The following TENT4B variants were observed in gnomAD, a reference collection of about 807,000 sequenced individuals.
TENT4B encodes terminal nucleotidyltransferase 4B, also known as PAP associated domain containing 5.
Under a neutral mutation model 75.0 loss-of-function variants are expected in TENT4B, and 10 were observed. That is an observed-to-expected ratio of 0.13 (90% confidence interval 0.08 to 0.23). The LOEUF (loss-of-function observed/expected upper bound fraction) is 0.23, where lower values mean the gene tolerates loss of function less well. TENT4B is among the 10% of genes least tolerant of loss of function. The probability of loss-of-function intolerance (pLI) is 1.00; values close to 1 mark genes in which losing one functional copy is unlikely to be tolerated. For synonymous variants in TENT4B, 350 were observed against 357.7 expected (o/e 0.98, Z 0.24); for missense variants, 579 against 893.8 (o/e 0.65, Z 4.49).
At chr16:50,213,108 G>A (rs1339402758) in intron 2 of TENT4B, among the ~76,000 whole-genome samples, 1 of 151,792 alleles carries the variant, frequency 6.6e-6, no homozygotes, top group African/African-American at 2.4e-5. Flanking sequence ...CGCCCAGGCT[G>A]GAGTGCAGTG....
intron 7 of TENT4B, among the ~76,000 whole-genome samples, chr16:50,224,327 A>T (rs1392782899): frequency 3.9e-5 from 6 of 152,366 alleles, no homozygotes; most frequent in African/African-American, 1.4e-4. Flanking sequence ...CCCAAAAAAT[A>T]TAGAAGTATT....
At chr16:50,186,824 C>T (rs2038536443) in intron 1 of TENT4B, among the ~76,000 whole-genome samples, 3 of 152,172 alleles carry the variant, frequency 2.0e-5, no homozygotes, top group South Asian at 4.1e-4. Context: ...TCAAGTGGCA[C>T]CTGCCTTGGC....
chr16:50,202,631 T>G (rs1380179411), intron 1 of TENT4B, among the ~76,000 whole-genome samples: 1 of 152,162 alleles, frequency 6.6e-6, no homozygotes, highest in Non-Finnish European at 1.5e-5. Context: ...GCTTCCTAAC[T>G]TTGCCCAAAT....
In TENT4B at chr16:50,231,275, T is replaced by C. The variant is rs1032375316; in HGVS notation, c.*1947T>C. The C allele has an allele frequency of 2.0e-6, 2 of 985,240 alleles. No individual in the cohort carries two copies. Among genetic ancestry groups the C allele is most frequent in the Non-Finnish European group, 2.4e-6 (2 of 829,468 alleles). 61.0% of individuals were successfully genotyped at this position (985,240 alleles called of 1,614,324 possible). ...TGAGCTTTTGTTTTTGAAACTAGTT[T>C]GTCATAACATTGTGCATAATCACAG... On this transcript the variant is annotated 3_prime_UTR_variant, in exon 12 of 12. Transcript: ENST00000561678.
chr16:50,189,937 G>A (rs751727107), intron 1 of TENT4B, among the ~76,000 whole-genome samples: 13 of 151,662 alleles, frequency 8.6e-5, no homozygotes, highest in East Asian at 1.9e-4. Context: ...TTAGCCTGGC[G>A]TAGTGGTGCA....
intron 5 of TENT4B, among the ~76,000 whole-genome samples, 193 bp downstream of exon 5, chr16:50,217,856 C>T (rs1567510212): frequency 1.1e-4 from 16 of 151,698 alleles, no homozygotes; most frequent in Admixed American, 9.2e-4. Context: ...GCCTCAAACT[C>T]CTGGGTTCAA....
Position 50,233,088 on chromosome 16 carries a change from A to G in TENT4B, c.*3760A>G, listed in dbSNP as rs892576114. The G allele has an allele frequency of 2.3e-5, 23 of 984,334 alleles. 1 individual carries two copies. The East Asian group carries it at 1.9e-3, about 83-fold the overall frequency. 61.0% of individuals were successfully genotyped at this position (984,334 alleles called of 1,614,324 possible). ...AAGTATTTTATGAGCAAAATATTCT[A>G]TAAATGCGTCTAACAAACCTAATTG... is the stretch of plus-strand genomic sequence containing the variant. On this transcript the variant is annotated 3_prime_UTR_variant, in exon 12 of 12. Coordinates refer to ENST00000561678, the MANE Select transcript of TENT4B (RefSeq NM_001365324.3).
intron 10 of TENT4B, among the ~76,000 whole-genome samples, chr16:50,226,470 C>T (rs1053454166): frequency 6.6e-6 from 1 of 152,100 alleles, no homozygotes; most frequent in African/African-American, 2.4e-5. Context: ...CTCGCTCTGT[C>T]GCCCAGGCTG....
intron 1 of TENT4B, among the ~76,000 whole-genome samples, chr16:50,191,771 T>C (rs899228626): frequency 4.6e-5 from 7 of 151,604 alleles, no homozygotes; most frequent in African/African-American, 1.7e-4. Context: ...AATACAAAAT[T>C]AGCCGGGCAT....
chr16:50,167,780 C>G (rs527531496), intron 1 of TENT4B, among the ~76,000 whole-genome samples: 1 of 152,112 alleles, frequency 6.6e-6, no homozygotes, highest in African/African-American at 2.4e-5. Context: ...GCTTCAGCAC[C>G]CGAGTAGCTC....
Position 50,234,482 on chromosome 16 carries a change from T to G in TENT4B, c.*5154T>G. On this transcript the variant is annotated 3_prime_UTR_variant, in exon 12 of 12. Transcript: ENST00000561678. ...TTTTTCTTCATCTTTCAGTTTGGGT[T>G]CTGTGCTATTCATAGTTCTTCCCTA... 1 of 985,260 alleles carries G rather than the reference T, an allele frequency of 1.0e-6. No homozygotes were observed. The highest frequency in any genetic ancestry group is 1.2e-6 in the Non-Finnish European group (1 of 829,730). 61.0% of individuals were successfully genotyped at this position (985,260 alleles called of 1,614,324 possible).
At chr16:50,189,913 C>T (rs1204167522) in intron 1 of TENT4B, among the ~76,000 whole-genome samples, 1 of 151,470 alleles carries the variant, frequency 6.6e-6, no homozygotes, top group Non-Finnish European at 1.5e-5. Flanking sequence ...CCCATCTCTA[C>T]TAAAAATGCA....
At chr16:50,205,353 A>C (rs942171405) in intron 1 of TENT4B, among the ~76,000 whole-genome samples, 1 of 152,074 alleles carries the variant, frequency 6.6e-6, no homozygotes, top group Non-Finnish European at 1.5e-5. Context: ...GGACAAATAC[A>C]TGCTGATTTT....
upstream of TENT4B, chr16:50,152,982 G>C: frequency 6.6e-7 from 1 of 1,514,890 alleles, no homozygotes; most frequent in Non-Finnish European, 8.8e-7. Context: ...CAGCACCGGG[G>C]AAGCCGAGGC....
At chr16:50,218,066 C>T (rs1306275340) in intron 5 of TENT4B, among the ~76,000 whole-genome samples, 1 of 151,796 alleles carries the variant, frequency 6.6e-6, no homozygotes, top group East Asian at 1.9e-4. Context: ...CTGCACCTTA[C>T]TTTTGTATGC....
chr16:50,157,193 A>G (rs765083778), intron 1 of TENT4B, among the ~76,000 whole-genome samples: 1 of 152,200 alleles, frequency 6.6e-6, no homozygotes, highest in Non-Finnish European at 1.5e-5. Flanking sequence ...GAGACCAGAA[A>G]GCATGTGAAA....
At chr16:50,204,874 A>G (rs2030860482) in intron 1 of TENT4B, among the ~76,000 whole-genome samples, 1 of 151,980 alleles carries the variant, frequency 6.6e-6, no homozygotes, top group African/African-American at 2.4e-5. Context: ...ACTTTGCAAA[A>G]TGTACTGGTG....
intron 1 of TENT4B, among the ~76,000 whole-genome samples, chr16:50,172,873 C>T (rs1447790966): frequency 6.6e-6 from 1 of 152,190 alleles, no homozygotes; most frequent in Non-Finnish European, 1.5e-5. Flanking sequence ...TATAGTTTTA[C>T]CTTTTACAGA....
chr16:50,200,761 T>G (rs1023552621), intron 1 of TENT4B, among the ~76,000 whole-genome samples: 3 of 152,252 alleles, frequency 2.0e-5, no homozygotes, highest in Admixed American at 1.3e-4. Flanking sequence ...TTGTCTATTT[T>G]GAATACCTGC....
Sources: gnomAD v4.1 joint callset for allele counts (sites outside exome capture counted in the v4.1 genomes callset) on GRCh38, gnomAD v4.1.1 for gene constraint, MANE v1.5 for transcripts, NCBI Gene and HGNC (gene_info 2026-07-23, HGNC 2026-07-21) for gene names.